Variants in FAAH2 observed in about 807,000 individuals in gnomAD.
The protein encoded by FAAH2 is fatty acid amide hydrolase 2.
FAAH2 carries 60 observed loss-of-function variants against 36.9 expected under a neutral mutation model. The ratio of observed to expected loss-of-function variants is 1.63; its 90% CI spans 1.32 to 2.02. FAAH2 has a LOEUF of 2.02. FAAH2 is among the 30% of genes most tolerant of loss of function. The probability of loss-of-function intolerance (pLI) is 0.00; values close to 1 mark genes in which losing one functional copy is unlikely to be tolerated. For missense variants in FAAH2, 689 were observed against 397.5 expected, an observed-to-expected ratio of 1.73 and a Z score of -6.23; for synonymous variants, 214 against 143.8, an observed-to-expected ratio of 1.49 and a Z score of -3.49.
chrX:57,480,780 G>A (rs559935022), intron 10 of FAAH2, among the ~76,000 whole-genome samples: 1 of 110,892 alleles, frequency 9.0e-6, no homozygotes. Context: ...TTGAATGTTG[G>A]CCTGTCTTGC....
chrX:57,286,557 C>T, upstream of FAAH2: 2 of 263,634 alleles, frequency 7.6e-6, no homozygotes. Flanking sequence ...GGCCAGTGTT[C>T]TTTCTTATGA....
At chrX:57,323,637 T>C (rs2053105133) in intron 3 of FAAH2, among the ~76,000 whole-genome samples, 1 of 111,119 alleles carries the variant, frequency 9.0e-6, no homozygotes, top group Non-Finnish European at 1.9e-5. Flanking sequence ...TGTCTTCTTT[T>C]GAGAAGTGTC....
intron 5 of FAAH2, among the ~76,000 whole-genome samples, chrX:57,345,307 T>A (rs2053793428): frequency 9.1e-6 from 1 of 110,012 alleles, no homozygotes; most frequent in Non-Finnish European, 1.9e-5. Flanking sequence ...ACTGAATTAA[T>A]TTCGAAGCTT....
intron 3 of FAAH2, among the ~76,000 whole-genome samples, chrX:57,322,764 T>A (rs1440830566): frequency 9.0e-6 from 1 of 110,868 alleles, no homozygotes; most frequent in Non-Finnish European, 1.9e-5. Context: ...AGCTTCAATA[T>A]TCTTTTCTCA....
At chrX:57,468,417 T>C (rs1014599063) in intron 10 of FAAH2, among the ~76,000 whole-genome samples, 3 of 111,860 alleles carry the variant, frequency 2.7e-5, no homozygotes, top group African/African-American at 9.7e-5. Flanking sequence ...CTGATGGAGC[T>C]GAAAACCATG....
At position 57,392,478 on chromosome X, in the gene FAAH2, G is replaced by C. The variant is rs915527251; in HGVS notation, c.996+11449G>C. On this transcript the variant is annotated intron_variant, in intron 7 of 10. Coordinates refer to ENST00000374900, the MANE Select transcript of FAAH2 (RefSeq NM_174912.4). ...ATTTATGTTAATTTATACACGATGA[G>C]AATTAAGGCTGAAAATGACATCCGG... 3.6e-5 allele frequency among the ~76,000 whole-genome samples: 4 copies of C among 111,681 alleles called. No individual in the cohort carries two copies. In the East Asian group the frequency reaches 1.1e-3, roughly 31 times the overall value.
the FAAH2 span, chrX:57,136,708 T>C: frequency 9.8e-6 from 2 of 204,470 alleles, no homozygotes; most frequent in African/African-American, 8.1e-5. Flanking sequence ...AAGTTTCCCC[T>C]AGGAGCCTGG....
chrX:57,456,523 C>T (rs1473742454), intron 10 of FAAH2, among the ~76,000 whole-genome samples: 2 of 111,547 alleles, frequency 1.8e-5, no homozygotes, highest in African/African-American at 6.5e-5. Context: ...AAAGAATAAA[C>T]AAGATTGATA....
intron 2 of FAAH2, among the ~76,000 whole-genome samples, chrX:57,293,374 A>T (rs2052042393): frequency 8.9e-6 from 1 of 112,484 alleles, no homozygotes; most frequent in Admixed American, 9.5e-5. Context: ...CATTTAAAAT[A>T]TTTTAATGAA....
At chrX:57,188,274 C>T in the FAAH2 span, among the ~76,000 whole-genome samples, 2 of 111,169 alleles carry the variant, frequency 1.8e-5, no homozygotes, top group Admixed American at 9.6e-5. Context: ...TGGAGTTCTT[C>T]CTGGTTTAGT....
the FAAH2 span, among the ~76,000 whole-genome samples, chrX:57,246,824 C>A: frequency 2.5e-3 from 279 of 111,308 alleles, no homozygotes; most frequent in African/African-American, 8.7e-3. Context: ...ATGGGACACT[C>A]AAAACACTTT....
intron 7 of FAAH2, among the ~76,000 whole-genome samples, chrX:57,407,956 C>T (rs1420959167): frequency 8.9e-6 from 1 of 111,790 alleles, no homozygotes; most frequent in Non-Finnish European, 1.9e-5. Context: ...AGTTTCTTGA[C>T]TTTATACACA....
intron 4 of FAAH2, among the ~76,000 whole-genome samples, chrX:57,340,749 G>T (rs4557841): frequency 0.54 from 59,278 of 109,860 alleles, 14,307 homozygotes; most frequent in Non-Finnish European, 0.74. Context: ...TGAATGATTA[G>T]AACACATAGA....
chrX:57,379,845 A>T (rs1406660872), intron 6 of FAAH2, among the ~76,000 whole-genome samples: 1 of 107,560 alleles, frequency 9.3e-6, no homozygotes, highest in Non-Finnish European at 1.9e-5. Context: ...TGCTAAAAAT[A>T]ATGACTGCTT....
At chrX:57,233,903 C>G in the FAAH2 span, among the ~76,000 whole-genome samples, 1 of 112,948 alleles carries the variant, frequency 8.9e-6, no homozygotes, top group East Asian at 2.8e-4. Flanking sequence ...GCCTCTGCCT[C>G]CTAAAGTGAG....
At chrX:57,231,066 T>A in the FAAH2 span, among the ~76,000 whole-genome samples, 167 of 108,410 alleles carry the variant, frequency 1.5e-3, 1 homozygote, top group Non-Finnish European at 2.8e-3. Context: ...TGTGTGTGTG[T>A]GAGTGTGTGT....
the FAAH2 span, among the ~76,000 whole-genome samples, chrX:57,195,974 C>A: frequency 8.9e-6 from 1 of 111,959 alleles, no homozygotes; most frequent in Admixed American, 9.5e-5. Context: ...TATTTTTATA[C>A]CAGCGCCATG....
chrX:57,347,046 A>G (rs1215885954), intron 5 of FAAH2, among the ~76,000 whole-genome samples: 1 of 110,828 alleles, frequency 9.0e-6, no homozygotes, highest in Non-Finnish European at 1.9e-5. Flanking sequence ...TTCCTTGTGG[A>G]TGGTCATCTT....
the FAAH2 span, among the ~76,000 whole-genome samples, chrX:57,188,976 G>C: frequency 9.0e-6 from 1 of 111,653 alleles, no homozygotes; most frequent in South Asian, 3.8e-4. Flanking sequence ...ATCCTGAAGT[G>C]TGTTTTCCAA....
Sources: allele counts gnomAD v4.1 joint callset (sites outside exome capture counted in the v4.1 genomes callset), GRCh38; gene constraint gnomAD v4.1.1; transcripts MANE v1.5; gene names NCBI Gene and HGNC (gene_info 2026-07-23, HGNC 2026-07-21).